The following PPP3CC variants were observed in gnomAD, a reference collection of about 807,000 sequenced individuals.
PPP3CC encodes serine/threonine-protein phosphatase 2B catalytic subunit gamma isoform.
Under a neutral mutation model 60.3 loss-of-function variants are expected in PPP3CC, and 35 were observed. The observed-to-expected ratio is 0.58, with a 90% CI of 0.44 to 0.77. The LOEUF (loss-of-function observed/expected upper bound fraction) is 0.77, where lower values mean the gene tolerates loss of function less well. Ranked by LOEUF, PPP3CC falls within the 30% of genes least tolerant of loss-of-function variation. The probability of loss-of-function intolerance (pLI) is 0.00; values close to 1 mark genes in which losing one functional copy is unlikely to be tolerated. For missense variants in PPP3CC, 570 were observed against 628.9 expected, an observed-to-expected ratio of 0.91 and a Z score of 1.00; for synonymous variants, 206 against 224.3, an observed-to-expected ratio of 0.92 and a Z score of 0.73.
Position 22,441,104 on chromosome 8 carries a change from C to A in PPP3CC, c.-306C>A, listed in dbSNP as rs1387403835. ...CGTGCACGAGGGCCCGGGCCGCGAG[C>A]AGCCGCGGCCGTCCCGGTCGCCACC... On this transcript the variant is annotated 5_prime_UTR_variant, in exon 1 of 14. Transcript: ENST00000240139. The A allele has an allele frequency of 1.1e-5, 3 of 270,690 alleles. No individual in the cohort carries two copies. Among genetic ancestry groups the A allele is most frequent in the Non-Finnish European group, 2.1e-5 (3 of 144,624 alleles). The allele number at this position is 270,690 out of a possible 1,614,324, so 16.8% of individuals were successfully genotyped here.
intron 1 of PPP3CC, among the ~76,000 whole-genome samples, chr8:22,444,111 C>T (rs1300984421): frequency 6.6e-6 from 1 of 152,012 alleles, no homozygotes; most frequent in Non-Finnish European, 1.5e-5. Flanking sequence ...AAGGATGTGG[C>T]TGGGCGTGGT....
Position 22,510,922 on chromosome 8 carries a change from C to G in PPP3CC, c.485-164C>G. 3 of 688,438 alleles carry G rather than the reference C, an allele frequency of 4.4e-6. 1 individual carries two copies. Among genetic ancestry groups the G allele is most frequent in the Non-Finnish European group, 7.1e-6 (3 of 422,206 alleles). The allele number at this position is 688,438 out of a possible 1,614,324, so 42.6% of individuals were successfully genotyped here. On this transcript the variant is annotated intron_variant, in intron 4 of 13. Transcript: ENST00000240139. ...TTAAGAGGAGAGAGGTATTGTTAAC[C>G]TATTATCCACAACTTTTCAAAAGTA...
chr8:22,477,914 G>C (rs574047650), intron 3 of PPP3CC, among the ~76,000 whole-genome samples: 57 of 152,298 alleles, frequency 3.7e-4, no homozygotes, highest in African/African-American at 1.3e-3. Flanking sequence ...GCAATGGCAC[G>C]ATCTCGGCCC....
At chr8:22,449,608 G>C (rs1195906778) in intron 1 of PPP3CC, among the ~76,000 whole-genome samples, 2 of 152,088 alleles carry the variant, frequency 1.3e-5, no homozygotes, top group Non-Finnish European at 2.9e-5. Context: ...ATGTGAAGTG[G>C]AGGCAGCTTG....
At chr8:22,511,932 AG>A (rs1473435222) in intron 5 of PPP3CC, among the ~76,000 whole-genome samples, 3 of 152,230 alleles carry the variant, frequency 2.0e-5, no homozygotes, top group Non-Finnish European at 4.4e-5. Flanking sequence ...GGATGGTCTG[AG>A]GACACTGCCA....
intron 8 of PPP3CC, among the ~76,000 whole-genome samples, chr8:22,525,296 G>C (rs1468201581): frequency 6.6e-6 from 1 of 152,150 alleles, no homozygotes; most frequent in African/African-American, 2.4e-5. Context: ...GGCAGAAAAT[G>C]TGGCATTTGA....
At chr8:22,501,843 C>G (rs570676656) in intron 4 of PPP3CC, among the ~76,000 whole-genome samples, 2 of 152,218 alleles carry the variant, frequency 1.3e-5, no homozygotes, top group South Asian at 2.1e-4. Flanking sequence ...GAGACCTCCT[C>G]TCTGCCAAAA....
intron 8 of PPP3CC, among the ~76,000 whole-genome samples, chr8:22,525,498 CT>C (rs1356651841): frequency 2.6e-5 from 2 of 75,868 alleles, no homozygotes; most frequent in Admixed American, 1.3e-4. Context: ...TTTCTTCTTT[CT>C]TTCTTTCTTT....
intron 3 of PPP3CC, among the ~76,000 whole-genome samples, chr8:22,486,142 C>T (rs185264782): frequency 2.2e-3 from 337 of 152,134 alleles, no homozygotes; most frequent in Non-Finnish European, 3.9e-3. Flanking sequence ...GATATAAATA[C>T]CTTAATTTAT....
At chr8:22,514,455 C>G (rs1337226153) in intron 6 of PPP3CC, among the ~76,000 whole-genome samples, 1 of 151,784 alleles carries the variant, frequency 6.6e-6, no homozygotes, top group Non-Finnish European at 1.5e-5. Context: ...TAGCATTCTT[C>G]TAAACAACCT....
At chr8:22,496,147 A>G (rs1586833479) in intron 3 of PPP3CC, among the ~76,000 whole-genome samples, 1 of 151,644 alleles carries the variant, frequency 6.6e-6, no homozygotes, top group East Asian at 1.9e-4. Context: ...AAAGTTCATC[A>G]TTATTATTGT....
intron 6 of PPP3CC, among the ~76,000 whole-genome samples, chr8:22,516,587 T>C (rs1839250717): frequency 1.3e-5 from 2 of 152,260 alleles, no homozygotes; most frequent in South Asian, 4.1e-4. Context: ...TTCATGGGAA[T>C]GTAGTGTGCA....
At chr8:22,447,183 T>C (rs965300633) in intron 1 of PPP3CC, among the ~76,000 whole-genome samples, 10 of 132,204 alleles carry the variant, frequency 7.6e-5, no homozygotes, top group Non-Finnish European at 1.5e-4. Context: ...TAATTTTTTT[T>C]TTTTTTTTTT....
intron 3 of PPP3CC, among the ~76,000 whole-genome samples, chr8:22,477,557 G>A (rs185927050): frequency 7.6e-4 from 116 of 152,094 alleles, no homozygotes; most frequent in African/African-American, 2.5e-3. Context: ...GTTTTTGCTA[G>A]CATGAGAAGG....
intron 3 of PPP3CC, among the ~76,000 whole-genome samples, chr8:22,481,252 T>A (rs1241654766): frequency 6.6e-6 from 1 of 151,830 alleles, no homozygotes; most frequent in East Asian, 1.9e-4. Flanking sequence ...GGAGAATCAC[T>A]TGAACCTGGG....
intron 1 of PPP3CC, among the ~76,000 whole-genome samples, chr8:22,471,899 G>A (rs772395409): frequency 5.3e-5 from 8 of 152,212 alleles, no homozygotes; most frequent in South Asian, 4.1e-4. Context: ...TGCTGAGGTC[G>A]GCAGATCACT....
At chr8:22,507,134 A>T (rs895933207) in intron 4 of PPP3CC, among the ~76,000 whole-genome samples, 3 of 152,032 alleles carry the variant, frequency 2.0e-5, no homozygotes, top group Admixed American at 2.0e-4. Context: ...ATAATAATAA[A>T]AAATAAATAA....
intron 9 of PPP3CC, among the ~76,000 whole-genome samples, chr8:22,528,167 G>A (rs943528112): frequency 9.2e-5 from 14 of 152,160 alleles, no homozygotes; most frequent in Admixed American, 2.6e-4. Flanking sequence ...CCTGTTGGAC[G>A]TAGGCCTGTT....
At chr8:22,492,325 G>A (rs1010287471) in intron 3 of PPP3CC, among the ~76,000 whole-genome samples, 2 of 152,124 alleles carry the variant, frequency 1.3e-5, no homozygotes, top group South Asian at 2.1e-4. Context: ...TGCTCTGGGT[G>A]AATCAGTGAA....
Sources: gnomAD v4.1 joint callset for allele counts (sites outside exome capture counted in the v4.1 genomes callset) on GRCh38, gnomAD v4.1.1 for gene constraint, MANE v1.5 for transcripts, NCBI Gene and HGNC (gene_info 2026-07-23, HGNC 2026-07-21) for gene names.